Variants in PCDH15 observed in about 807,000 individuals in gnomAD.
PCDH15 encodes the protein protocadherin related 15.
In PCDH15, 129 loss-of-function variants were observed where a neutral mutation model predicts 178.5. That is an observed-to-expected ratio of 0.72 (90% CI 0.63 to 0.84). The LOEUF is 0.84. Ranked by LOEUF, PCDH15 falls within the 40% of genes least tolerant of loss-of-function variation. The pLI, the probability that PCDH15 is intolerant of heterozygous loss-of-function variation, is 0.00. For missense variants in PCDH15, 2,230 were observed against 2,099.9 expected (o/e 1.06, Z -1.21); for synonymous variants, 800 against 732.0 (o/e 1.09, Z -1.50).
chr10:54,312,568 G>A (rs2133529974), intron 8 of PCDH15, among the ~76,000 whole-genome samples: 1 of 152,144 alleles, frequency 6.6e-6, no homozygotes, highest in Non-Finnish European at 1.5e-5. Flanking sequence ...AGCTTGTTGT[G>A]ACAACCCACT....
intron 1 of PCDH15, among the ~76,000 whole-genome samples, chr10:55,212,101 G>T (rs1840585831): frequency 6.6e-6 from 1 of 151,994 alleles, no homozygotes; most frequent in Admixed American, 6.5e-5. Context: ...CTTTTTTGTT[G>T]TTACCACATG....
At position 54,385,149 on chromosome 10, in the gene PCDH15, C is replaced by G. The variant is rs530268170; in HGVS notation, c.158-6207G>C. 1.2e-4 allele frequency among the ~76,000 whole-genome samples: 18 copies of G among 152,130 alleles called. No individual in the cohort carries two copies. The East Asian group carries it at 3.3e-3, about 28-fold the overall frequency. On this transcript the variant is annotated intron_variant, in intron 3 of 37. Transcript: ENST00000644397. ...AATTTTTAATATAAGATATTTAAAA[C>G]CTTTTATTCCATAGATAAATTTGTA...
At chr10:54,581,258 A>T (rs1323692748) in intron 2 of PCDH15, among the ~76,000 whole-genome samples, 1 of 152,128 alleles carries the variant, frequency 6.6e-6, no homozygotes, top group African/African-American at 2.4e-5. Context: ...CAGAATAAAA[A>T]TTCAACATAC....
intron 2 of PCDH15, among the ~76,000 whole-genome samples, chr10:55,398,888 T>C (rs898497160): frequency 2.0e-5 from 3 of 152,054 alleles, no homozygotes; most frequent in Non-Finnish European, 2.9e-5. Flanking sequence ...AGAAAAAATA[T>C]GCACTCTTAT....
At chr10:55,026,495 C>T (rs993459852) in intron 2 of PCDH15, among the ~76,000 whole-genome samples, 2 of 151,888 alleles carry the variant, frequency 1.3e-5, no homozygotes, top group Admixed American at 6.6e-5. Flanking sequence ...TACATATTCA[C>T]AAAGCCAATA....
At chr10:55,494,899 A>G (rs951331321) in intron 2 of PCDH15, among the ~76,000 whole-genome samples, 2 of 151,854 alleles carry the variant, frequency 1.3e-5, no homozygotes, top group African/African-American at 4.8e-5. Context: ...TACTAAACAA[A>G]GTGATGTACT....
At chr10:54,317,971 C>T (rs1402616521) in intron 7 of PCDH15, among the ~76,000 whole-genome samples, 1 of 152,114 alleles carries the variant, frequency 6.6e-6, no homozygotes, top group Admixed American at 6.6e-5. Context: ...AGGCCTTTAC[C>T]TAACAGTTCA....
chr10:54,653,090 A>G (rs991861075), intron 2 of PCDH15, among the ~76,000 whole-genome samples: 3 of 152,186 alleles, frequency 2.0e-5, no homozygotes, highest in African/African-American at 7.2e-5. Flanking sequence ...CCTATGAGAG[A>G]GGTAGTACCA....
At chr10:54,465,521 T>C (rs1210714663) in intron 3 of PCDH15, among the ~76,000 whole-genome samples, 2 of 152,048 alleles carry the variant, frequency 1.3e-5, no homozygotes, top group African/African-American at 4.8e-5. Context: ...ATTTATTTCA[T>C]GTAACATAAT....
At chr10:54,746,964 AC>A (rs1345174087) in intron 1 of PCDH15, among the ~76,000 whole-genome samples, 2 of 152,186 alleles carry the variant, frequency 1.3e-5, no homozygotes, top group African/African-American at 4.8e-5. Context: ...TTTGTGACTT[AC>A]AATATTTTCA....
intron 2 of PCDH15, among the ~76,000 whole-genome samples, chr10:54,654,045 T>G (rs904574495): frequency 2.0e-5 from 3 of 152,222 alleles, no homozygotes; most frequent in Non-Finnish European, 2.9e-5. Flanking sequence ...ATATTATTTA[T>G]TATTGTCACC....
chr10:54,022,825 G>T (rs969988131), intron 19 of PCDH15, 67 bp downstream of exon 19: 11 of 1,522,612 alleles, frequency 7.2e-6, no homozygotes, highest in Middle Eastern at 1.7e-4. Flanking sequence ...GCTAATTTTG[G>T]CACACAAACC....
chr10:54,483,674 C>G (rs2136967162), intron 3 of PCDH15, among the ~76,000 whole-genome samples: 1 of 151,926 alleles, frequency 6.6e-6, no homozygotes, highest in Admixed American at 6.6e-5. Flanking sequence ...AGAAATCAAT[C>G]CTATACTTTG....
chr10:54,884,127 C>T (rs1210539807), intron 3 of PCDH15, among the ~76,000 whole-genome samples: 3 of 151,884 alleles, frequency 2.0e-5, no homozygotes, highest in Non-Finnish European at 2.9e-5. Flanking sequence ...TTAGTACAGC[C>T]GGGTATCAGA....
At chr10:54,656,246 G>C (rs1410381554) in intron 2 of PCDH15, among the ~76,000 whole-genome samples, 3 of 152,048 alleles carry the variant, frequency 2.0e-5, no homozygotes, top group Non-Finnish European at 4.4e-5. Flanking sequence ...GGACCTGTCA[G>C]AGAACCCACA....
chr10:54,899,480 C>T (rs1954606680), intron 2 of PCDH15, among the ~76,000 whole-genome samples: 1 of 145,820 alleles, frequency 6.9e-6, no homozygotes, highest in African/African-American at 2.5e-5. Context: ...CCCCTCCCCT[C>T]CCCTTCCCTT....
chr10:54,055,536 T>C (rs1027683106), intron 18 of PCDH15, among the ~76,000 whole-genome samples: 3 of 152,188 alleles, frequency 2.0e-5, no homozygotes, highest in Non-Finnish European at 2.9e-5. Flanking sequence ...AGGGTTGCTA[T>C]GAAAAACAGA....
chr10:55,527,653 T>C (rs570258105), intron 2 of PCDH15, among the ~76,000 whole-genome samples: 29 of 151,960 alleles, frequency 1.9e-4, no homozygotes, highest in South Asian at 4.2e-4. Context: ...TCTTATTAAG[T>C]CAAACTTAAT....
intron 15 of PCDH15, among the ~76,000 whole-genome samples, chr10:54,102,204 T>C (rs772903664): frequency 3.0e-4 from 45 of 152,192 alleles, no homozygotes; most frequent in Non-Finnish European, 4.4e-4. Flanking sequence ...GTCAAGAACA[T>C]GGGAATTCTT....
Sources: allele counts gnomAD v4.1 joint callset (sites outside exome capture counted in the v4.1 genomes callset), GRCh38; gene constraint gnomAD v4.1.1; transcripts MANE v1.5; gene names NCBI Gene and HGNC (gene_info 2026-07-23, HGNC 2026-07-21).